CORO1C: variants seen among roughly 807,000 people sequenced by gnomAD.
CORO1C encodes the protein coronin 1C, also known as coronin-1C.
CORO1C carries 14 observed loss-of-function variants against 51.2 expected under a neutral mutation model. The ratio of observed to expected loss-of-function variants is 0.27; its 90% CI spans 0.18 to 0.43. The LOEUF is 0.43. Ranked by LOEUF, CORO1C falls within the 20% of genes least tolerant of loss-of-function variation. CORO1C has a pLI of 1.00. For missense variants in CORO1C, 417 were observed against 607.8 expected, an observed-to-expected ratio of 0.69 and a Z score of 3.30; for synonymous variants, 181 against 210.5, an observed-to-expected ratio of 0.86 and a Z score of 1.21.
intron 7 of CORO1C, 84 bp from the exon 8 acceptor site, chr12:108,652,501 C>T: frequency 1.8e-6 from 2 of 1,140,732 alleles, no homozygotes; most frequent in Admixed American, 1.9e-5. Flanking sequence ...TCTACAAACC[C>T]AGCAGTAGTT....
chr12:108,696,079 GAGA>G (rs2034671369), intron 2 of CORO1C, among the ~76,000 whole-genome samples: 1 of 152,130 alleles, frequency 6.6e-6, no homozygotes, highest in African/African-American at 2.4e-5. Flanking sequence ...GCCCATGGGA[GAGA>G]AGAAGAGATC....
chr12:108,703,952 C>T (rs2034953604), intron 1 of CORO1C, among the ~76,000 whole-genome samples: 1 of 152,240 alleles, frequency 6.6e-6, no homozygotes, highest in African/African-American at 2.4e-5. Flanking sequence ...TGCCCCTCCA[C>T]TCACACAGGC....
In CORO1C at chr12:108,664,914, G is replaced by A. The variant is rs528242547; in HGVS notation, c.319-2756C>T. Among the ~76,000 whole-genome samples, 4 of 152,304 alleles carry A rather than the reference G, an allele frequency of 2.6e-5. No homozygotes were observed. In the South Asian group the frequency reaches 8.3e-4, roughly 32 times the overall value. ...AACAATTATGAAATGGGACTTCAGT[G>A]ACTCAACAGGAAAAGCATTTTGCAA... On this transcript the variant is annotated intron_variant, in intron 3 of 10. Transcript: ENST00000261401.
chr12:108,683,188 G>A (rs947758550), intron 2 of CORO1C, among the ~76,000 whole-genome samples: 1 of 152,168 alleles, frequency 6.6e-6, no homozygotes, highest in Non-Finnish European at 1.5e-5. Context: ...GGGAGGCCAA[G>A]GCAGGCAGAT....
intron 1 of CORO1C, among the ~76,000 whole-genome samples, chr12:108,706,103 C>T (rs1442823232): frequency 6.8e-6 from 1 of 146,640 alleles, no homozygotes; most frequent in Non-Finnish European, 1.5e-5. Flanking sequence ...AGGAGAATTG[C>T]TTGAACCCGG....
intron 2 of CORO1C, among the ~76,000 whole-genome samples, chr12:108,685,684 A>T (rs2034269601): frequency 6.6e-6 from 1 of 152,198 alleles, no homozygotes; most frequent in African/African-American, 2.4e-5. Context: ...TTAATAAAAA[A>T]TGATATTCTA....
chr12:108,722,677 T>TAAA (rs1178475806), intron 1 of CORO1C, among the ~76,000 whole-genome samples: 1 of 152,220 alleles, frequency 6.6e-6, no homozygotes, highest in Non-Finnish European at 1.5e-5. Context: ...ATAACTGAGT[T>TAAA]AGACTCTGGA....
chr12:108,714,833 C>T (rs1011210934), intron 1 of CORO1C, among the ~76,000 whole-genome samples: 5 of 152,068 alleles, frequency 3.3e-5, no homozygotes, highest in South Asian at 2.1e-4. Flanking sequence ...CAAAGAAGAG[C>T]ACTCGTATAT....
chr12:108,684,356 T>C (rs1435919651), intron 2 of CORO1C, among the ~76,000 whole-genome samples: 1 of 152,170 alleles, frequency 6.6e-6, no homozygotes, highest in Non-Finnish European at 1.5e-5. Context: ...CTTGTTACAA[T>C]TCCTTTCAAG....
chr12:108,647,414 T>C lies in CORO1C; in HGVS notation c.1414A>G (p.Ile472Val). 1 of 1,613,672 alleles carries C rather than the reference T, an allele frequency of 6.2e-7. No homozygotes were observed. The highest frequency in any genetic ancestry group is 8.5e-7 in the Non-Finnish European group (1 of 1,179,856). Residue 472 changes from isoleucine (I) to valine (V), a missense_variant, in exon 11 of 11, where the codon ATA (isoleucine) becomes GTA (valine). Physicochemically the swap from Ile to Val is conservative, Grantham distance 29 (BLOSUM62 3). Transcript: ENST00000261401. ...ISKLEQQMAK[I>V]AA is the part of the protein sequence containing the mutation. ...TGGGGGTGGGACCTTCAGGCTGCTA[T>C]CTTTGCCATCTGCTGTTCTAACTTG...
chr12:108,715,023 A>C (rs2035288728), intron 1 of CORO1C, among the ~76,000 whole-genome samples: 1 of 152,206 alleles, frequency 6.6e-6, no homozygotes, highest in African/African-American at 2.4e-5. Flanking sequence ...ACAAGAAGTA[A>C]AATGAGCAGC....
intron 2 of CORO1C, among the ~76,000 whole-genome samples, chr12:108,684,873 A>G (rs1247540149): frequency 6.6e-6 from 1 of 152,162 alleles, no homozygotes; most frequent in African/African-American, 2.4e-5. Context: ...TTTGCATTAA[A>G]ATTTTTTTTT....
At chr12:108,678,903 T>C (rs2034012034) in intron 2 of CORO1C, among the ~76,000 whole-genome samples, 1 of 151,212 alleles carries the variant, frequency 6.6e-6, no homozygotes, top group African/African-American at 2.4e-5. Context: ...AGGTGGATCA[T>C]GAGGTCAGGA....
intron 4 of CORO1C, among the ~76,000 whole-genome samples, chr12:108,659,649 AG>A (rs1203341040): frequency 6.6e-6 from 1 of 152,222 alleles, no homozygotes; most frequent in African/African-American, 2.4e-5. Context: ...TAAAAGTAAA[AG>A]GTTTAAATGA....
intron 7 of CORO1C, among the ~76,000 whole-genome samples, chr12:108,654,008 G>C (rs1005381803): frequency 6.6e-6 from 1 of 152,170 alleles, no homozygotes; most frequent in Non-Finnish European, 1.5e-5. Flanking sequence ...AAACACCAGT[G>C]TATCTTCTTT....
At chr12:108,725,859 G>A (rs2035575961) in intron 1 of CORO1C, among the ~76,000 whole-genome samples, 1 of 152,066 alleles carries the variant, frequency 6.6e-6, no homozygotes, top group Admixed American at 6.6e-5. Context: ...CGCCCAGGCT[G>A]GAGTGCAACT....
chr12:108,672,157 T>A (rs1402574219), intron 3 of CORO1C, among the ~76,000 whole-genome samples: 1 of 152,200 alleles, frequency 6.6e-6, no homozygotes, highest in Admixed American at 6.5e-5. Context: ...TTGTTCCCAC[T>A]CCTTCTTAAG....
intron 1 of CORO1C, among the ~76,000 whole-genome samples, chr12:108,704,249 G>A (rs748312122): frequency 7.2e-5 from 11 of 152,076 alleles, no homozygotes; most frequent in East Asian, 1.9e-4. Flanking sequence ...AAGCTGAGAC[G>A]GATCACGAGG....
At chr12:108,680,790 T>C (rs1466180407) in intron 2 of CORO1C, among the ~76,000 whole-genome samples, 1 of 152,230 alleles carries the variant, frequency 6.6e-6, no homozygotes, top group African/African-American at 2.4e-5. Flanking sequence ...GACCAGCTAC[T>C]AGGTCTAAGC....
Sources: gnomAD v4.1 joint callset for allele counts (sites outside exome capture counted in the v4.1 genomes callset) on GRCh38, gnomAD v4.1.1 for gene constraint, MANE v1.5 for transcripts, NCBI Gene and HGNC (gene_info 2026-07-23, HGNC 2026-07-21) for gene names.